URB1: variants seen among roughly 807,000 people sequenced by gnomAD.
The protein encoded by URB1 is nucleolar pre-ribosomal-associated protein 1.
Under a neutral mutation model 242.3 loss-of-function variants are expected in URB1, and 197 were observed. The ratio of observed to expected loss-of-function variants is 0.81; its 90% CI spans 0.72 to 0.91. The LOEUF (loss-of-function observed/expected upper bound fraction) is 0.91. Among genes scored for constraint, URB1 ranks in the 40% least tolerant of loss-of-function variants. URB1 has a pLI of 0.00. For missense variants in URB1, 2,721 were observed against 2,860.5 expected, an observed-to-expected ratio of 0.95 and a Z score of 1.11; for synonymous variants, 1,153 against 1,201.8, an observed-to-expected ratio of 0.96 and a Z score of 0.84.
In URB1 at chr21:32,314,670, C is replaced by T. The variant is rs1193763095; in HGVS notation, c.*248G>A. On this transcript the variant is annotated 3_prime_UTR_variant, in exon 39 of 39. Transcript: ENST00000382751. ...GCGGCCTGACGAGGCACTGGATGGG[C>T]CTCATGGCCTAGAAGTCCCCACATT... The T allele has an allele frequency of 6.2e-7, 1 of 1,609,418 alleles. No individual in the cohort carries two copies. The highest frequency in any genetic ancestry group is 8.5e-7 in the Non-Finnish European group (1 of 1,175,860).
At chr21:32,329,845 G>T (rs1395704107) in intron 30 of URB1, among the ~76,000 whole-genome samples, 1 of 152,212 alleles carries the variant, frequency 6.6e-6, no homozygotes, top group Non-Finnish European at 1.5e-5. Context: ...CTGCATAGCT[G>T]AATCTCACAA....
rs2033282778 is a variant in URB1, at chr21:32,361,186, A to AGAAAGAAAGAAAGAAAGAAG, written c.1640-64_1640-63insCTTCTTTCTTTCTTTCTTTC. 7 of 881,858 alleles carry AGAAAGAAAGAAAGAAAGAAG rather than the reference A, an allele frequency of 7.9e-6. No individual in the cohort carries two copies. The Admixed American group carries it at 2.1e-4, about 27-fold the overall frequency. 54.6% of individuals were successfully genotyped at this position (881,858 alleles called of 1,614,324 possible). A position where few individuals can be genotyped will look rare whatever the true frequency, so the allele number is the denominator to read the frequency against. ...AAGAAAGAAAGAAAGAAAGAAAGAA[A>AGAAAGAAAGAAAGAAAGAAG]GAAAGAAAGAAAGAAAGAAAATAGC... On this transcript the variant is annotated intron_variant, in intron 12 of 38. Coordinates refer to ENST00000382751, the MANE Select transcript of URB1 (RefSeq NM_014825.3).
rs1016937371 is a variant in URB1, at chr21:32,312,917, T to A, written c.*2001A>T. 1 of 152,212 alleles carries A rather than the reference T, an allele frequency of 6.6e-6. No homozygotes were observed. Among genetic ancestry groups the A allele is most frequent in the Non-Finnish European group, 1.5e-5 (1 of 68,042 alleles). The allele number at this position is 152,212 out of a possible 1,614,324, so 9.4% of individuals were successfully genotyped here. On this transcript the variant is annotated 3_prime_UTR_variant, in exon 39 of 39. Transcript: ENST00000382751. ...TCAGGTGAAGACCATGTTCGATCTA[T>A]TCTCCATGGGATGAGATTCCCTTCC... is the stretch of plus-strand genomic sequence containing the variant.
At chr21:32,341,333 C>T (rs2033026296) in intron 25 of URB1, 133 bp downstream of exon 25, 2 of 835,574 alleles carry the variant, frequency 2.4e-6, no homozygotes, top group South Asian at 1.8e-5. Flanking sequence ...TCTCCAACTT[C>T]TATCTCTAAA....
At position 32,349,357 on chromosome 21, in the gene URB1, C is replaced by G; in HGVS notation, c.2959G>C (p.Asp987His). The change falls in exon 21 of 39, where the codon GAC (aspartate) becomes CAC (histidine). Residue 987 changes from aspartate to histidine, a missense_variant. Transcript: ENST00000382751. ...QRCEAARAEA[D>H]LFLDMESVAS... Reference sequence around the variant, plus strand: ...ACGGACTCCATGTCCAGGAAGAGGTCGGCTTCGGCCCGGGCGGCCTCGCAT... The same window carrying G: ...ACGGACTCCATGTCCAGGAAGAGGTGGGCTTCGGCCCGGGCGGCCTCGCAT... The G allele has an allele frequency of 2.6e-6, 4 of 1,551,266 alleles. No homozygotes were observed. Among genetic ancestry groups the G allele is most frequent in the Non-Finnish European group, 3.5e-6 (4 of 1,146,878 alleles).
Position 32,352,796 on chromosome 21 carries a change from G to C in URB1, c.2527C>G (p.Pro843Ala). Residue 843 changes from proline (P) to alanine (A), a missense_variant, in exon 19 of 39, where the codon CCA (proline) becomes GCA (alanine). By Grantham distance (27) the Pro-to-Ala change is conservative. Transcript: ENST00000382751. The stretch of plus-strand genomic sequence containing the variant: ...TGCTGGCAGCAAGGCACCAGGCATG[G>C]AGGCTCAAGCTTATCATATGCCTGG... ...LLQAYDKLEPPCLVPCCQQLS... is the reference protein window; with the variant it reads ...LLQAYDKLEPACLVPCCQQLS... 1 of 1,551,742 alleles carries C rather than the reference G, an allele frequency of 6.4e-7. No individual in the cohort carries two copies. The highest frequency in any genetic ancestry group is 1.4e-5 in the African/African-American group (1 of 73,180).
chr21:32,371,737 G>A (rs117066478), intron 8 of URB1, among the ~76,000 whole-genome samples: 65 of 151,998 alleles, frequency 4.3e-4, no homozygotes, highest in Non-Finnish European at 8.7e-4. Context: ...CATTTACAAT[G>A]ACAAGAAAAC....
chr21:32,388,071 C>T lies in URB1; in HGVS notation c.143-2387G>A, dbSNP rs543442142. ...TGCGTGTCTCAGATTCAAGTCCTGA[C>T]GCTGCTAAGCCACATCTGCCGGGGA... is the stretch of plus-strand genomic sequence containing the variant. On this transcript the variant is annotated intron_variant, in intron 1 of 38. Transcript: ENST00000382751. 1.3e-3 allele frequency among the ~76,000 whole-genome samples: 191 copies of T among 152,334 alleles called. 2 individuals are homozygous for T. Among genetic ancestry groups the T allele is most frequent in the African/African-American group, 4.0e-3 (167 of 41,572 alleles).
intron 8 of URB1, among the ~76,000 whole-genome samples, chr21:32,371,907 A>G (rs915756313): frequency 2.0e-5 from 3 of 152,202 alleles, no homozygotes; most frequent in African/African-American, 7.2e-5. Context: ...TTTGAACTTA[A>G]TATGTTTCCT....
chr21:32,347,768 A>G lies in URB1; in HGVS notation c.3056T>C (p.Leu1019Pro). ...VLVAILRHPT[L>P]EGWFLALEQQ... ...CTCCAGGGCCAGGAACCAGCCCTCC[A>G]GGGTGGGGTGCCTGAGGATGGCCAC... The change falls in exon 22 of 39, where the codon CTG becomes CCG. Residue 1019 changes from leucine to proline, a missense_variant. Physicochemically the swap from Leu to Pro is moderately conservative, Grantham distance 98. Transcript: ENST00000382751. The G allele has an allele frequency of 6.5e-7, 1 of 1,548,374 alleles. No homozygotes were observed. The highest frequency in any genetic ancestry group is 8.7e-7 in the Non-Finnish European group (1 of 1,146,852).
intron 4 of URB1, among the ~76,000 whole-genome samples, chr21:32,380,580 GGGT>G (rs2033512129): frequency 6.6e-6 from 1 of 152,162 alleles, no homozygotes; most frequent in Non-Finnish European, 1.5e-5. Context: ...GGCCAAGAGA[GGGT>G]GCAAAGTTTA....
chr21:32,361,896 C>G lies in URB1; in HGVS notation c.1635G>C (p.Gln545His), dbSNP rs1363566434. ...CCCTCACCCCTGAGACCTTACCGCACTGGTGAGCATCGCAGGCAGCCGGGG... is the reference window on the plus strand; with the variant it reads ...CCCTCACCCCTGAGACCTTACCGCAGTGGTGAGCATCGCAGGCAGCCGGGG... ...DGPPAACDAH[Q>H]CDDAETILLK... The change falls in exon 12 of 39, where the codon CAG (glutamine) becomes CAC (histidine). Residue 545 changes from glutamine to histidine, a missense_variant. Gln to His is a conservative substitution (Grantham distance 24). Coordinates refer to ENST00000382751, the MANE Select transcript of URB1 (RefSeq NM_014825.3). 6.4e-6 allele frequency: 10 copies of G among 1,551,084 alleles called. No individual in the cohort carries two copies. The highest frequency in any genetic ancestry group is 8.7e-6 in the Non-Finnish European group (10 of 1,146,764).
Position 32,338,719 on chromosome 21 carries a change from T to C in URB1, c.4498A>G (p.Ser1500Gly), listed in dbSNP as rs1410547857. The C allele has an allele frequency of 6.4e-7, 1 of 1,551,346 alleles. No individual in the cohort carries two copies. Among genetic ancestry groups the C allele is most frequent in the East Asian group, 2.4e-5 (1 of 40,914 alleles). Residue 1500 changes from serine (S) to glycine (G), a missense_variant, in exon 26 of 39, where the codon AGC (serine) becomes GGC (glycine). Coordinates refer to ENST00000382751, the MANE Select transcript of URB1 (RefSeq NM_014825.3). ...LTSDGEESPD[S>G]QVKEALVDLM... ...GGTGAGGGGTCACCTTTTACTTGGC[T>C]GTCCGGGCTCTCCTCTCCGTCAGAC...
chr21:32,344,353 A>C (rs1418290240), intron 24 of URB1, among the ~76,000 whole-genome samples: 2 of 152,226 alleles, frequency 1.3e-5, no homozygotes, highest in African/African-American at 4.8e-5. Flanking sequence ...CTTGACAAAA[A>C]GCATTTGACA....
Position 32,333,310 on chromosome 21 carries a change from C to T in URB1, c.4960+7G>A, listed in dbSNP as rs150423924. ...CAAGCCCTGACCCAAGAGAAGACTG[C>T]AGTTACCTGGCCTGGTCAGCTCACT... On this transcript the variant is annotated splice_region_variant and intron_variant, in intron 30 of 38. Coordinates refer to ENST00000382751, the MANE Select transcript of URB1 (RefSeq NM_014825.3). 8.2e-4 allele frequency: 1,276 copies of T among 1,551,542 alleles called. 14 individuals are homozygous for T. The East Asian group carries it at 0.025, about 31-fold the overall frequency.
Position 32,360,904 on chromosome 21 carries a change from G to A in URB1, c.1756+103C>T, listed in dbSNP as rs73903309. ...ATTTCTCAGGCTGACGGATGAGCAC[G>A]CAGCCAACCGTCCACCAGCCTTCCT... On this transcript the variant is annotated intron_variant, in intron 13 of 38. Transcript: ENST00000382751. 7.0e-4 allele frequency: 502 copies of A among 717,368 alleles called. 2 individuals carry two copies. In the African/African-American group the frequency reaches 8.3e-3, roughly 12 times the overall value. The allele number at this position is 717,368 out of a possible 1,614,324, so 44.4% of individuals were successfully genotyped here.
In URB1 at chr21:32,311,641, G is replaced by A; in HGVS notation, c.*3277C>T. ...CCAGCCCCACAGTATGGACTGTTCT[G>A]CAGCAACTATGATGCCTGCCTCCCA... On this transcript the variant is annotated 3_prime_UTR_variant, in exon 39 of 39. Transcript: ENST00000382751. 1.9e-6 allele frequency: 3 copies of A among 1,605,762 alleles called. No homozygotes were observed. Among genetic ancestry groups the A allele is most frequent in the East Asian group, 2.2e-5 (1 of 44,870 alleles).
At chr21:32,361,157 AAAAAAGAAAG>A in intron 12 of URB1, 34 bp from the exon 13 acceptor site, 1 of 1,105,030 alleles carries the variant, frequency 9.0e-7, no homozygotes, top group Non-Finnish European at 1.3e-6. Context: ...AGAAAAAGAG[AAAAAAGAAAG>A]AAAGAAAGAA....
At chr21:32,363,671 T>A (rs2033314127) in intron 10 of URB1, among the ~76,000 whole-genome samples, 1 of 150,928 alleles carries the variant, frequency 6.6e-6, no homozygotes, top group African/African-American at 2.4e-5. Flanking sequence ...CTGCCACTAT[T>A]TTTTTTTTGA....
Sources: gnomAD v4.1 joint callset for allele counts (sites outside exome capture counted in the v4.1 genomes callset) on GRCh38, gnomAD v4.1.1 for gene constraint, MANE v1.5 for transcripts, NCBI Gene and HGNC (gene_info 2026-07-23, HGNC 2026-07-21) for gene names.